ZMAT3: variants seen among roughly 807,000 people sequenced by gnomAD.
The protein encoded by ZMAT3 is zinc finger matrin-type protein 3.
In ZMAT3, 17 loss-of-function variants were observed where a neutral mutation model predicts 32.3. The ratio of observed to expected loss-of-function variants is 0.53; its 90% CI spans 0.36 to 0.79. The LOEUF is 0.79. Among genes scored for constraint, ZMAT3 ranks in the 30% least tolerant of loss-of-function variants. The pLI, the probability that ZMAT3 is intolerant of heterozygous loss-of-function variation, is 0.00. For synonymous variants in ZMAT3, 120 were observed against 133.1 expected, an observed-to-expected ratio of 0.90 and a Z score of 0.68; for missense variants, 329 against 359.7, an observed-to-expected ratio of 0.91 and a Z score of 0.69.
chr3:179,068,677 A>T (rs1176468393), intron 1 of ZMAT3, among the ~76,000 whole-genome samples: 1 of 152,244 alleles, frequency 6.6e-6, no homozygotes, highest in Non-Finnish European at 1.5e-5. Context: ...GTATGACAGA[A>T]ATAAATAAAA....
chr3:179,027,635 G>C lies in ZMAT3; in HGVS notation c.557+11C>G. The C allele has an allele frequency of 6.2e-7, 1 of 1,613,910 alleles. No individual in the cohort carries two copies. Among genetic ancestry groups the C allele is most frequent in the Non-Finnish European group, 8.5e-7 (1 of 1,179,936 alleles). On this transcript the variant is annotated intron_variant, in intron 4 of 5. Transcript: ENST00000311417. The stretch of plus-strand genomic sequence containing the variant: ...TAACACTTTGGCCTCAGAGAAAATG[G>C]CAATACCTACGAGAATGAGTTACTC...
rs1005574748 is a variant in ZMAT3 at position 179,036,405 on chromosome 3, G to A, written c.271-5406C>T. Among the ~76,000 whole-genome samples the A allele has an allele frequency of 2.6e-5, 4 of 152,278 alleles. No individual in the cohort carries two copies. The East Asian group carries it at 5.8e-4, about 22-fold the overall frequency. ...CTCAGGAATGATCTGAATGTGGATG[G>A]TATTTAAAGCTATGGAGCCAAAAAC... On this transcript the variant is annotated intron_variant, in intron 2 of 5. Coordinates refer to ENST00000311417, the MANE Select transcript of ZMAT3 (RefSeq NM_022470.4).
intron 2 of ZMAT3, among the ~76,000 whole-genome samples, chr3:179,065,395 C>G (rs1721357273): frequency 6.6e-6 from 1 of 151,890 alleles, no homozygotes; most frequent in Admixed American, 6.6e-5. Flanking sequence ...AGAACATACG[C>G]AAAAATGTAA....
chr3:179,057,994 A>G (rs984485345), intron 2 of ZMAT3, among the ~76,000 whole-genome samples: 8 of 152,214 alleles, frequency 5.3e-5, no homozygotes, highest in Non-Finnish European at 1.0e-4. Context: ...TTTATATGTC[A>G]CAGAAAAAAC....
chr3:179,059,602 C>T (rs6443618), intron 2 of ZMAT3, among the ~76,000 whole-genome samples: 3 of 152,220 alleles, frequency 2.0e-5, no homozygotes, highest in East Asian at 3.9e-4. Context: ...AACTACAAAT[C>T]GTTCTTCAAA....
chr3:179,068,891 T>C (rs1049399977), intron 1 of ZMAT3, among the ~76,000 whole-genome samples: 1 of 152,208 alleles, frequency 6.6e-6, no homozygotes, highest in Non-Finnish European at 1.5e-5. Flanking sequence ...TGATCTGGCA[T>C]CACTTGGCCC....
At chr3:179,038,790 G>T (rs1338697887) in intron 2 of ZMAT3, among the ~76,000 whole-genome samples, 1 of 152,206 alleles carries the variant, frequency 6.6e-6, no homozygotes, top group Admixed American at 6.5e-5. Flanking sequence ...GAGGTCAGGG[G>T]ATTTCCCTTT....
chr3:179,056,274 T>A (rs1414794211), intron 2 of ZMAT3, among the ~76,000 whole-genome samples: 1 of 151,966 alleles, frequency 6.6e-6, no homozygotes, highest in East Asian at 1.9e-4. Context: ...ATCCTCAGTT[T>A]TTTATAATAG....
At chr3:179,033,727 A>G (rs1719427723) in intron 2 of ZMAT3, among the ~76,000 whole-genome samples, 1 of 152,208 alleles carries the variant, frequency 6.6e-6, no homozygotes, top group African/African-American at 2.4e-5. Flanking sequence ...GCCCTTACAG[A>G]GTATCTTTTT....
chr3:179,028,474 T>A (rs1018623636), intron 3 of ZMAT3, among the ~76,000 whole-genome samples: 2 of 152,204 alleles, frequency 1.3e-5, no homozygotes, highest in Non-Finnish European at 2.9e-5. Flanking sequence ...TAGTACATGA[T>A]AAAGATTCTG....
chr3:179,059,744 T>C (rs1721054677), intron 2 of ZMAT3, among the ~76,000 whole-genome samples: 2 of 152,156 alleles, frequency 1.3e-5, no homozygotes, highest in Non-Finnish European at 2.9e-5. Context: ...ACCCCTACTA[T>C]GCCCTGATTC....
chr3:179,056,506 C>T (rs899987542), intron 2 of ZMAT3, among the ~76,000 whole-genome samples: 3 of 152,144 alleles, frequency 2.0e-5, no homozygotes, highest in African/African-American at 7.2e-5. Flanking sequence ...GTCCATGCCC[C>T]TTACGTCAAG....
At chr3:179,032,081 TC>T (rs1719272540) in intron 2 of ZMAT3, among the ~76,000 whole-genome samples, 1 of 137,356 alleles carries the variant, frequency 7.3e-6, no homozygotes, top group African/African-American at 2.7e-5. Flanking sequence ...TGCCGCCATC[TC>T]GGCTCACTGC....
At chr3:179,035,627 C>T (rs1168908114) in intron 2 of ZMAT3, among the ~76,000 whole-genome samples, 3 of 151,754 alleles carry the variant, frequency 2.0e-5, no homozygotes, top group Non-Finnish European at 4.4e-5. Context: ...TCTCTTTCCT[C>T]CGCTCTGTAA....
In ZMAT3 at chr3:179,025,213, T is replaced by C. The variant is rs757950212; in HGVS notation, c.674A>G (p.Asn225Ser). The change falls in exon 6 of 6, where the codon AAT becomes AGT. Residue 225 changes from asparagine to serine, a missense_variant. Asn to Ser is a conservative substitution (Grantham distance 46). Transcript: ENST00000311417. ...VQNNSAGPYF[N>S]PRSRQRIPRD... is the part of the protein sequence containing the mutation. ...TGGAATTCTCTGCCGAGAGCGGGGA[T>C]TGAAGTAAGGACCTGCTAAAGCAAG... 8.1e-6 allele frequency: 13 copies of C among 1,613,856 alleles called. No homozygotes were observed. Among genetic ancestry groups the C allele is most frequent in the Non-Finnish European group, 1.1e-5 (13 of 1,179,852 alleles).
chr3:179,025,374 T>G (rs1718812436), intron 5 of ZMAT3, 146 bp from the exon 6 acceptor site: 1 of 715,728 alleles, frequency 1.4e-6, no homozygotes, highest in East Asian at 2.7e-5. Flanking sequence ...GTTAATGGAT[T>G]TTTAAAATTA....
chr3:179,071,660 C>T lies in ZMAT3; in HGVS notation c.-123G>A, dbSNP rs955583329. On this transcript the variant is annotated 5_prime_UTR_variant, in exon 1 of 6. Transcript: ENST00000311417. ...CGCCCGGGACGCCCGCGACGCCCGC[C>T]CTGCGCGCCCGGCTCGGCCCAGCTC... The T allele has an allele frequency of 1.3e-5, 2 of 152,238 alleles. No homozygotes were observed. Among genetic ancestry groups the T allele is most frequent in the African/African-American group, 2.4e-5 (1 of 41,432 alleles). The allele number at this position is 152,238 out of a possible 1,614,324, so 9.4% of individuals were successfully genotyped here.
chr3:179,051,937 C>G (rs1720586926), intron 2 of ZMAT3, among the ~76,000 whole-genome samples: 1 of 152,156 alleles, frequency 6.6e-6, no homozygotes. Context: ...AAAGGACACT[C>G]TATTGAACAA....
In ZMAT3 at chr3:179,071,641, G is replaced by C. The variant is rs1029913756; in HGVS notation, c.-104C>G. The stretch of plus-strand genomic sequence containing the variant: ...GCAGTCTCCGCGCCGCGTCCGCCCG[G>C]GACGCCCGCGACGCCCGCCCTGCGC... On this transcript the variant is annotated 5_prime_UTR_variant, in exon 1 of 6. Transcript: ENST00000311417. The C allele has an allele frequency of 6.6e-6, 1 of 152,118 alleles. No homozygotes were observed. The highest frequency in any genetic ancestry group is 2.4e-5 in the African/African-American group (1 of 41,422). 9.4% of individuals were successfully genotyped at this position (152,118 alleles called of 1,614,324 possible).
Sources: gnomAD v4.1 joint callset for allele counts (sites outside exome capture counted in the v4.1 genomes callset) on GRCh38, gnomAD v4.1.1 for gene constraint, MANE v1.5 for transcripts, NCBI Gene and HGNC (gene_info 2026-07-23, HGNC 2026-07-21) for gene names.